Variants in AK5 observed in about 807,000 individuals in gnomAD.
The protein encoded by AK5 is adenylate kinase 5, also known as adenylate kinase isoenzyme 5.
AK5 carries 27 observed loss-of-function variants against 69.5 expected under a neutral mutation model. The ratio of observed to expected loss-of-function variants is 0.39; its 90% confidence interval spans 0.29 to 0.54. The LOEUF (loss-of-function observed/expected upper bound fraction) is 0.54. Ranked by LOEUF, AK5 falls within the 20% of genes least tolerant of loss-of-function variation. The pLI is 0.71. For synonymous variants in AK5, 260 were observed against 244.4 expected (o/e 1.06, Z -0.60); for missense variants, 531 against 700.4 (o/e 0.76, Z 2.73).
intron 10 of AK5, among the ~76,000 whole-genome samples, chr1:77,504,187 A>G (rs1656893447): frequency 6.6e-6 from 1 of 152,224 alleles, no homozygotes; most frequent in South Asian, 2.1e-4. Flanking sequence ...GAATGAATGA[A>G]TAAATTCTAC....
chr1:77,358,018 T>TGTGTGTGTGTGTGTGAGAGAGA (rs762714026), intron 6 of AK5, among the ~76,000 whole-genome samples: 257 of 128,254 alleles, frequency 2.0e-3, no homozygotes, highest in South Asian at 6.0e-3. Flanking sequence ...TGTGTGTGTG[T>TGTGTGTGTGTGTGTGAGAGAGA]GAGAGAGAGA....
In AK5 at chr1:77,535,982, T is replaced by C; in HGVS notation, c.1564T>C (p.Tyr522His). Reference sequence around the variant, plus strand: ...CATCGCCAAGCGCCTAGAAGCCTACTACCGAGCGTCCATCCCCGTGATCGC... The same window carrying C: ...CATCGCCAAGCGCCTAGAAGCCTACCACCGAGCGTCCATCCCCGTGATCGC... ...KTIAKRLEAY[Y>H]RASIPVIAYY... The change falls in exon 13 of 14, where the codon TAC becomes CAC. Residue 522 changes from tyrosine to histidine, a missense_variant. Coordinates refer to ENST00000354567, the MANE Select transcript of AK5 (RefSeq NM_174858.3). 6.2e-7 allele frequency: 1 copy of C among 1,613,394 alleles called. No homozygotes were observed. The highest frequency in any genetic ancestry group is 8.5e-7 in the Non-Finnish European group (1 of 1,179,906).
chr1:77,310,484 A>T (rs1570357227), intron 5 of AK5, among the ~76,000 whole-genome samples: 1 of 151,392 alleles, frequency 6.6e-6, no homozygotes. Context: ...GGTTCACGCC[A>T]CTCTCCCGCC....
intron 13 of AK5, among the ~76,000 whole-genome samples, chr1:77,545,074 T>G (rs1659472553): frequency 6.6e-6 from 1 of 152,218 alleles, no homozygotes; most frequent in African/African-American, 2.4e-5. Context: ...ATAAGCAGTC[T>G]GTCATTGACC....
chr1:77,549,781 T>A (rs960525555), intron 13 of AK5, among the ~76,000 whole-genome samples: 7 of 152,222 alleles, frequency 4.6e-5, no homozygotes, highest in African/African-American at 9.6e-5. Context: ...GATCTCATTC[T>A]TTCTTATAGC....
At chr1:77,484,137 G>A (rs1387104180) in intron 9 of AK5, among the ~76,000 whole-genome samples, 1 of 147,696 alleles carries the variant, frequency 6.8e-6, no homozygotes, top group Non-Finnish European at 1.5e-5. Context: ...TGCACTCTTG[G>A]CGACAGAGTG....
intron 13 of AK5, among the ~76,000 whole-genome samples, chr1:77,545,428 A>G (rs915604063): frequency 1.3e-5 from 2 of 152,180 alleles, no homozygotes; most frequent in African/African-American, 4.8e-5. Flanking sequence ...TTTCTTTTTA[A>G]TAGCTATATA....
At chr1:77,524,078 A>G (rs1438039090) in intron 12 of AK5, among the ~76,000 whole-genome samples, 2 of 152,214 alleles carry the variant, frequency 1.3e-5, no homozygotes, top group African/African-American at 2.4e-5. Context: ...CAAAATGTCC[A>G]CAAGGTTCAT....
chr1:77,300,197 A>G (rs927062830), intron 5 of AK5, among the ~76,000 whole-genome samples: 5 of 152,178 alleles, frequency 3.3e-5, no homozygotes, highest in African/African-American at 7.2e-5. Flanking sequence ...TACCTGATCA[A>G]TCTACATCTT....
chr1:77,314,000 GA>G, intron 5 of AK5: 2 of 421,764 alleles, frequency 4.7e-6, no homozygotes, highest in Non-Finnish European at 9.6e-6. Flanking sequence ...CAAAGGGGAA[GA>G]GGGGGAGAAA....
intron 8 of AK5, among the ~76,000 whole-genome samples, chr1:77,479,669 T>G (rs975989232): frequency 6.6e-5 from 10 of 152,198 alleles, no homozygotes; most frequent in South Asian, 6.2e-4. Flanking sequence ...TCTCTCTTTG[T>G]CAGTTCAGAA....
intron 5 of AK5, among the ~76,000 whole-genome samples, chr1:77,302,196 G>A (rs559768077): frequency 7.0e-6 from 1 of 143,464 alleles, no homozygotes; most frequent in South Asian, 2.4e-4. Context: ...ACTGCAACTG[G>A]CTGAGACCTA....
At chr1:77,367,870 G>T (rs1454104693) in intron 6 of AK5, among the ~76,000 whole-genome samples, 4,050 of 5,526 alleles carry the variant, frequency 0.73, 1,752 homozygotes, top group Middle Eastern at 1. Flanking sequence ...TAATATATGT[G>T]ATATATAATA....
rs764351155 is a variant in AK5, at chr1:77,297,510, G to A, written c.416-49G>A. On this transcript the variant is annotated intron_variant, in intron 3 of 13. Coordinates refer to ENST00000354567, the MANE Select transcript of AK5 (RefSeq NM_174858.3). ...TGAAGTAGTAGTTGTATAAAAGGGAGGTCCTTATTGTATCAGAAGATCACA... is the reference window on the plus strand; with the variant it reads ...TGAAGTAGTAGTTGTATAAAAGGGAAGTCCTTATTGTATCAGAAGATCACA... The A allele has an allele frequency of 4.0e-6, 6 of 1,505,010 alleles. No individual in the cohort carries two copies. The African/African-American group carries it at 7.0e-5, about 18-fold the overall frequency. 93.2% of individuals were successfully genotyped at this position (1,505,010 alleles called of 1,614,324 possible).
At chr1:77,435,508 C>T (rs540336478) in intron 8 of AK5, among the ~76,000 whole-genome samples, 6 of 152,050 alleles carry the variant, frequency 3.9e-5, no homozygotes, top group African/African-American at 1.4e-4. Context: ...ATTAGCTTGG[C>T]ATGGTGGCGT....
chr1:77,381,394 C>T lies in AK5; in HGVS notation c.892-29587C>T, dbSNP rs77650168. 3.3e-3 allele frequency among the ~76,000 whole-genome samples: 501 copies of T among 152,216 alleles called. 3 individuals carry two copies. Among genetic ancestry groups the T allele is most frequent in the African/African-American group, 0.012 (482 of 41,528 alleles). ...ACCTAATCTATGATATTTTGTTATACCCAATGGGCTAAGACAGCCCAGATT... is the reference window on the plus strand; with the variant it reads ...ACCTAATCTATGATATTTTGTTATATCCAATGGGCTAAGACAGCCCAGATT... On this transcript the variant is annotated intron_variant, in intron 6 of 13. Transcript: ENST00000354567.
At chr1:77,367,747 T>TATATATATGTTATATA (rs1557533676) in intron 6 of AK5, among the ~76,000 whole-genome samples, 5 of 9,172 alleles carry the variant, frequency 5.5e-4, no homozygotes, top group Non-Finnish European at 1.1e-3. Context: ...CGTTATATGT[T>TATATATATGTTATATA]ATATATGTTA....
intron 8 of AK5, among the ~76,000 whole-genome samples, chr1:77,419,208 C>T (rs1248467244): frequency 6.6e-6 from 1 of 152,100 alleles, no homozygotes; most frequent in Non-Finnish European, 1.5e-5. Flanking sequence ...TACTGCCTCC[C>T]ATCCTAACCT....
intron 8 of AK5, among the ~76,000 whole-genome samples, chr1:77,450,509 T>C (rs1013664550): frequency 4.6e-5 from 7 of 151,748 alleles, no homozygotes; most frequent in African/African-American, 1.7e-4. Flanking sequence ...GTGCCTATCC[T>C]GTGCCAAGAG....
Sources: allele counts gnomAD v4.1 joint callset (sites outside exome capture counted in the v4.1 genomes callset), GRCh38; gene constraint gnomAD v4.1.1; transcripts MANE v1.5; gene names NCBI Gene and HGNC (gene_info 2026-07-23, HGNC 2026-07-21).